Variants in STK32B observed in about 807,000 individuals in gnomAD.
STK32B encodes serine/threonine kinase 32B.
In STK32B, 43 loss-of-function variants were observed where a neutral mutation model predicts 52.6. The observed-to-expected ratio is 0.82, with a 90% CI of 0.64 to 1.05. The LOEUF is 1.05. Among genes scored for constraint, STK32B ranks in the 50% least tolerant of loss-of-function variants. STK32B has a pLI of 0.00. For synonymous variants in STK32B, 238 were observed against 204.3 expected (o/e 1.17, Z -1.41); for missense variants, 621 against 534.6 (o/e 1.16, Z -1.59).
chr4:5,493,306 G>C (rs1466876377), intron 11 of STK32B, among the ~76,000 whole-genome samples: 7 of 152,074 alleles, frequency 4.6e-5, no homozygotes, highest in African/African-American at 7.2e-5. Flanking sequence ...GTTTAGTCTT[G>C]GGAGGGTGTA....
chr4:5,287,270 T>C (rs554796732), intron 3 of STK32B, among the ~76,000 whole-genome samples: 1 of 152,236 alleles, frequency 6.6e-6, no homozygotes, highest in Admixed American at 6.5e-5. Flanking sequence ...TCAGCAACTC[T>C]TAATATTGTC....
chr4:5,060,130 CTAA>C (rs1389054927), intron 1 of STK32B, among the ~76,000 whole-genome samples: 1 of 152,146 alleles, frequency 6.6e-6, no homozygotes, highest in East Asian at 1.9e-4. Context: ...CTACGCCCGG[CTAA>C]TTTTGTATTT....
At chr4:5,440,712 G>C (rs1443761176) in intron 6 of STK32B, among the ~76,000 whole-genome samples, 5 of 152,156 alleles carry the variant, frequency 3.3e-5, no homozygotes, top group South Asian at 2.1e-4. Flanking sequence ...TCCAGTTTTT[G>C]CCCATTCAGT....
intron 3 of STK32B, among the ~76,000 whole-genome samples, chr4:5,198,297 A>G (rs1721857272): frequency 6.6e-6 from 1 of 152,236 alleles, no homozygotes; most frequent in African/African-American, 2.4e-5. Context: ...TTCAGAATTT[A>G]TACCACTTGA....
At chr4:5,248,026 A>T (rs1029384675) in intron 3 of STK32B, among the ~76,000 whole-genome samples, 1 of 151,378 alleles carries the variant, frequency 6.6e-6, no homozygotes, top group Non-Finnish European at 1.5e-5. Flanking sequence ...CTTATTTTCA[A>T]CTCTTCATTA....
intron 6 of STK32B, among the ~76,000 whole-genome samples, chr4:5,425,909 T>G (rs574387083): frequency 2.6e-5 from 4 of 152,332 alleles, no homozygotes; most frequent in African/African-American, 9.6e-5. Context: ...GCTTTTTCAC[T>G]TAGAATGATG....
intron 4 of STK32B, among the ~76,000 whole-genome samples, chr4:5,359,965 G>A (rs1049304318): frequency 2.0e-5 from 3 of 152,172 alleles, no homozygotes; most frequent in South Asian, 2.1e-4. Context: ...CTATGCTTTC[G>A]ATAGAGGAGC....
intron 9 of STK32B, among the ~76,000 whole-genome samples, chr4:5,464,909 G>C (rs1717319599): frequency 6.6e-6 from 1 of 152,188 alleles, no homozygotes. Context: ...GGTCTGGAGA[G>C]ACCTGGGCCT....
At chr4:5,298,364 G>A (rs1435821474) in intron 3 of STK32B, among the ~76,000 whole-genome samples, 1 of 152,166 alleles carries the variant, frequency 6.6e-6, no homozygotes, top group African/African-American at 2.4e-5. Context: ...GAATGTTTAA[G>A]TCTGCTGAAG....
At chr4:5,133,954 G>C (rs548390226) in intron 1 of STK32B, among the ~76,000 whole-genome samples, 3 of 152,166 alleles carry the variant, frequency 2.0e-5, no homozygotes, top group Admixed American at 1.3e-4. Context: ...AGTGGGGCTG[G>C]GTTTAAAACT....
intron 11 of STK32B, among the ~76,000 whole-genome samples, chr4:5,497,751 G>T (rs1459956190): frequency 6.6e-6 from 1 of 152,090 alleles, no homozygotes; most frequent in Non-Finnish European, 1.5e-5. Context: ...ACCTGTCTAA[G>T]GGCATAGACT....
intron 11 of STK32B, among the ~76,000 whole-genome samples, chr4:5,478,572 T>G (rs1245302748): frequency 4.6e-5 from 7 of 152,230 alleles, no homozygotes; most frequent in Non-Finnish European, 1.0e-4. Flanking sequence ...CCAGTTATAT[T>G]GAGTTTTTAC....
chr4:5,238,581 C>G (rs1724790628), intron 3 of STK32B, among the ~76,000 whole-genome samples: 1 of 152,174 alleles, frequency 6.6e-6, no homozygotes, highest in African/African-American at 2.4e-5. Flanking sequence ...AAGTGACATC[C>G]TCTTAAAGGG....
chr4:5,143,085 C>A (rs1325844231), intron 2 of STK32B, among the ~76,000 whole-genome samples: 2 of 150,388 alleles, frequency 1.3e-5, no homozygotes, highest in Non-Finnish European at 3.0e-5. Flanking sequence ...TAAAATAAAT[C>A]TGTTTCTGTC....
intron 4 of STK32B, among the ~76,000 whole-genome samples, chr4:5,350,448 C>T (rs1302107321): frequency 1.3e-5 from 2 of 151,952 alleles, no homozygotes; most frequent in African/African-American, 4.8e-5. Context: ...AATGATAACT[C>T]CCACCATGAA....
chr4:5,446,691 T>C lies in STK32B; in HGVS notation c.581T>C (p.Val194Ala), dbSNP rs766502070. Residue 194 changes from valine to alanine, a missense_variant, in exon 7 of 12, where the codon GTG (valine) becomes GCG (alanine). Coordinates refer to ENST00000282908, the MANE Select transcript of STK32B (RefSeq NM_018401.3). ...TTGGCAGCTCCAGAAGTATTCCAGG[T>C]GTACATGGACAGAGGCCCCGGATAC... ...KPYMAPEVFQ[V>A]YMDRGPGYSY... The C allele has an allele frequency of 1.3e-5, 21 of 1,613,896 alleles. No individual in the cohort carries two copies. Among genetic ancestry groups the C allele is most frequent in the Non-Finnish European group, 1.6e-5 (19 of 1,179,982 alleles).
At chr4:5,102,495 TCCC>T in intron 1 of STK32B, among the ~76,000 whole-genome samples, 1 of 121,492 alleles carries the variant, frequency 8.2e-6, no homozygotes, top group Non-Finnish European at 1.7e-5. Context: ...CTTCCTTCCC[TCCC>T]TCCCTCCCTC....
At chr4:5,080,170 T>A (rs113935252) in intron 1 of STK32B, among the ~76,000 whole-genome samples, 1 of 152,134 alleles carries the variant, frequency 6.6e-6, no homozygotes, top group South Asian at 2.1e-4. Context: ...TGGCTCCCTA[T>A]TACTATCAGT....
chr4:5,410,439 C>T (rs549311306), intron 5 of STK32B, among the ~76,000 whole-genome samples: 1 of 152,362 alleles, frequency 6.6e-6, no homozygotes, highest in Non-Finnish European at 1.5e-5. Flanking sequence ...GTTTCCCTTT[C>T]ATCCTAACTC....
Sources: gnomAD v4.1 joint callset for allele counts (sites outside exome capture counted in the v4.1 genomes callset) on GRCh38, gnomAD v4.1.1 for gene constraint, MANE v1.5 for transcripts, NCBI Gene and HGNC (gene_info 2026-07-23, HGNC 2026-07-21) for gene names.